Variants in IGSF11 observed in about 807,000 individuals in gnomAD.
The protein encoded by IGSF11 is immunoglobulin superfamily member 11.
In IGSF11, 22 loss-of-function variants were observed where a neutral mutation model predicts 41.0. The observed-to-expected ratio is 0.54, with a 90% CI of 0.38 to 0.77. The LOEUF is 0.77. Ranked by LOEUF, IGSF11 falls within the 30% of genes least tolerant of loss-of-function variation. The pLI is 0.00. For synonymous variants in IGSF11, 219 were observed against 201.3 expected, an observed-to-expected ratio of 1.09 and a Z score of -0.74; for missense variants, 444 against 530.8, an observed-to-expected ratio of 0.84 and a Z score of 1.61.
intron 1 of IGSF11, among the ~76,000 whole-genome samples, chr3:119,114,542 A>G (rs145138951): frequency 1.1e-3 from 160 of 152,348 alleles, no homozygotes; most frequent in African/African-American, 3.8e-3. Flanking sequence ...TCTTTGCTAC[A>G]GTTCCCAATA....
chr3:119,111,812 C>G (rs1475885640), intron 1 of IGSF11, among the ~76,000 whole-genome samples: 1 of 152,222 alleles, frequency 6.6e-6, no homozygotes, highest in Non-Finnish European at 1.5e-5. Context: ...TTCTAACAGA[C>G]AGGACCCTCA....
At chr3:119,067,624 G>A (rs1026040533) in intron 1 of IGSF11, among the ~76,000 whole-genome samples, 3 of 151,802 alleles carry the variant, frequency 2.0e-5, no homozygotes, top group Non-Finnish European at 4.4e-5. Flanking sequence ...GTACTGTGGG[G>A]AAAAAACTTT....
chr3:119,081,483 A>G (rs1334793482), intron 1 of IGSF11, among the ~76,000 whole-genome samples: 1 of 152,194 alleles, frequency 6.6e-6, no homozygotes, highest in Non-Finnish European at 1.5e-5. Context: ...TTGGTACAGT[A>G]TTTTATATAC....
At chr3:119,049,176 G>T (rs1027363407) in intron 1 of IGSF11, among the ~76,000 whole-genome samples, 2 of 151,418 alleles carry the variant, frequency 1.3e-5, no homozygotes, top group Non-Finnish European at 2.9e-5. Flanking sequence ...GGAAATAAAG[G>T]GTATTCAATT....
At chr3:119,120,450 T>C (rs115421284) in intron 1 of IGSF11, among the ~76,000 whole-genome samples, 2,463 of 152,138 alleles carry the variant, frequency 0.016, 82 homozygotes, top group African/African-American at 0.056. Flanking sequence ...GAAGGTTTAA[T>C]AGGCAAAAAA....
At chr3:118,975,855 T>C (rs1934037586) in intron 1 of IGSF11, among the ~76,000 whole-genome samples, 1 of 151,882 alleles carries the variant, frequency 6.6e-6, no homozygotes, top group Admixed American at 6.6e-5. Flanking sequence ...CAACAGACAC[T>C]GGGGACTACT....
intron 1 of IGSF11, among the ~76,000 whole-genome samples, chr3:118,988,343 G>A (rs1034204695): frequency 6.6e-6 from 1 of 152,176 alleles, no homozygotes; most frequent in African/African-American, 2.4e-5. Context: ...CTACCCTAGA[G>A]ATAATTCAGT....
At chr3:118,971,784 C>T (rs941203948) in intron 1 of IGSF11, among the ~76,000 whole-genome samples, 1 of 136,202 alleles carries the variant, frequency 7.3e-6, no homozygotes, top group Non-Finnish European at 1.5e-5. Flanking sequence ...GCCTGGAAGA[C>T]AGAGGGAGAC....
chr3:118,947,914 A>G (rs1333735446), intron 1 of IGSF11: 1 of 152,204 alleles, frequency 6.6e-6, no homozygotes, highest in Non-Finnish European at 1.5e-5. Context: ...AGATTATTAA[A>G]TATAGCTATA....
chr3:119,112,219 G>C (rs1235763873), intron 1 of IGSF11, among the ~76,000 whole-genome samples: 1 of 152,220 alleles, frequency 6.6e-6, no homozygotes, highest in Non-Finnish European at 1.5e-5. Flanking sequence ...GAGGCAGGCA[G>C]GCCTCCTTGA....
At chr3:119,030,637 G>T (rs180808393) in intron 1 of IGSF11, among the ~76,000 whole-genome samples, 7 of 152,240 alleles carry the variant, frequency 4.6e-5, no homozygotes, top group Non-Finnish European at 7.4e-5. Context: ...ACCAAACTCA[G>T]CTCAAATCAG....
At chr3:119,066,012 C>T (rs1942222056) in intron 1 of IGSF11, among the ~76,000 whole-genome samples, 1 of 151,930 alleles carries the variant, frequency 6.6e-6, no homozygotes, top group Non-Finnish European at 1.5e-5. Flanking sequence ...CTTCTTTCAG[C>T]TTTGGTTAGT....
intron 1 of IGSF11, among the ~76,000 whole-genome samples, chr3:118,990,441 T>G (rs1022520589): frequency 6.6e-6 from 1 of 152,186 alleles, no homozygotes; most frequent in African/African-American, 2.4e-5. Flanking sequence ...CTCAATTCAA[T>G]TAAGTGTCCT....
At chr3:119,039,321 C>G (rs572668188), upstream of IGSF11, among the ~76,000 whole-genome samples, 1 of 150,080 alleles carries the variant, frequency 6.7e-6, no homozygotes, top group East Asian at 2.0e-4. Flanking sequence ...TTACCTTTTT[C>G]AGATTCTAGA....
rs1167615930 is a variant in IGSF11, at chr3:118,902,685, G to A, written c.1131C>T (p.Asn377=). The change falls in exon 7 of 7, where the codon AAC becomes AAT. Residue 377 remains asparagine, a synonymous_variant. Coordinates refer to ENST00000393775, the MANE Select transcript of IGSF11 (RefSeq NM_001015887.3). ...ACATCACCTGTGGTGATGACCCTCT[G>A]TTGGCTGTCACTACCAGAGTCTTAT... is the stretch of plus-strand genomic sequence containing the variant. ...GQHKTLVVTA[N]RGSSPQVMSR... is the part of the protein sequence containing the mutation. The A allele has an allele frequency of 6.2e-7, 1 of 1,614,106 alleles. No individual in the cohort carries two copies. The highest frequency in any genetic ancestry group is 1.1e-5 in the South Asian group (1 of 91,082).
intron 1 of IGSF11, among the ~76,000 whole-genome samples, chr3:118,984,024 G>T (rs1425207621): frequency 6.6e-6 from 1 of 151,822 alleles, no homozygotes; most frequent in Non-Finnish European, 1.5e-5. Context: ...CCTTCCTAGG[G>T]GGTTCAAATA....
chr3:119,026,314 T>C (rs1939822146), intron 1 of IGSF11, among the ~76,000 whole-genome samples: 1 of 152,188 alleles, frequency 6.6e-6, no homozygotes, highest in Non-Finnish European at 1.5e-5. Context: ...TAGTTGTCTC[T>C]ACAGCAATTT....
intron 1 of IGSF11, among the ~76,000 whole-genome samples, chr3:119,046,319 ACCAAGG>A (rs1160203781): frequency 6.6e-6 from 1 of 151,886 alleles, no homozygotes; most frequent in Non-Finnish European, 1.5e-5. Context: ...GGAGCTGAAA[ACCAAGG>A]CTCGAGAACT....
chr3:118,976,499 G>A (rs1934119575), intron 1 of IGSF11, among the ~76,000 whole-genome samples: 1 of 152,180 alleles, frequency 6.6e-6, no homozygotes, highest in Non-Finnish European at 1.5e-5. Context: ...GTATCTCAAA[G>A]TAGGAATCTA....
Sources: gnomAD v4.1 joint callset for allele counts (sites outside exome capture counted in the v4.1 genomes callset) on GRCh38, gnomAD v4.1.1 for gene constraint, MANE v1.5 for transcripts, NCBI Gene and HGNC (gene_info 2026-07-23, HGNC 2026-07-21) for gene names.